The following CSMD1 variants were observed in gnomAD, a reference collection of about 807,000 sequenced individuals.
The protein encoded by CSMD1 is CUB and sushi domain-containing protein 1.
CSMD1 carries 213 observed loss-of-function variants against 417.5 expected under a neutral mutation model. The ratio of observed to expected loss-of-function variants is 0.51; its 90% confidence interval spans 0.46 to 0.57. CSMD1 has a LOEUF of 0.57. CSMD1 is among the 20% of genes least tolerant of loss of function. CSMD1 has a pLI of 0.00. For missense variants in CSMD1, 6,923 were observed against 4,529.7 expected (o/e 1.53, Z -15.17); for synonymous variants, 2,862 against 1,736.8 (o/e 1.65, Z -16.11).
At chr8:4,757,267 C>A (rs965652709) in intron 1 of CSMD1, among the ~76,000 whole-genome samples, 108 of 152,284 alleles carry the variant, frequency 7.1e-4, no homozygotes, top group African/African-American at 2.5e-3. Flanking sequence ...TAAAAGTTTG[C>A]AAAATGATAA....
chr8:4,854,210 G>C (rs531479952), intron 1 of CSMD1, among the ~76,000 whole-genome samples: 28 of 152,286 alleles, frequency 1.8e-4, no homozygotes, highest in African/African-American at 6.5e-4. Context: ...GGATGCAGGA[G>C]TGGAAAGATA....
At chr8:4,351,702 A>T (rs760726801) in intron 3 of CSMD1, among the ~76,000 whole-genome samples, 1 of 152,156 alleles carries the variant, frequency 6.6e-6, no homozygotes, top group Non-Finnish European at 1.5e-5. Flanking sequence ...CCTTAGGAGG[A>T]ATTAGCCAGA....
rs577743291 is a variant in CSMD1 at position 3,243,467 on chromosome 8, G to A, written c.4154-13236C>T. Among the ~76,000 whole-genome samples the A allele has an allele frequency of 4.3e-3, 647 of 150,862 alleles. 6 individuals carry two copies. Among genetic ancestry groups the A allele is most frequent in the Middle Eastern group, 6.8e-3 (2 of 294 alleles). ...TAGGTAAAGGAAAATTACAGTCAAAGGGGGTTGTTTTCTGGGGGGCAGGTG... is the reference window on the plus strand; with the variant it reads ...TAGGTAAAGGAAAATTACAGTCAAAAGGGGTTGTTTTCTGGGGGGCAGGTG... On this transcript the variant is annotated intron_variant, in intron 26 of 69. Coordinates refer to ENST00000635120, the MANE Select transcript of CSMD1 (RefSeq NM_033225.6).
intron 3 of CSMD1, among the ~76,000 whole-genome samples, chr8:4,249,106 A>C (rs1802890855): frequency 6.6e-6 from 1 of 152,272 alleles, no homozygotes; most frequent in African/African-American, 2.4e-5. Flanking sequence ...AGACTTCTCA[A>C]CCTTTCCCCA....
At chr8:3,667,559 G>T (rs537883748) in intron 7 of CSMD1, among the ~76,000 whole-genome samples, 3 of 152,248 alleles carry the variant, frequency 2.0e-5, no homozygotes, top group African/African-American at 7.2e-5. Context: ...GGACTAGGCT[G>T]AGAAAGTCCT....
chr8:3,505,921 A>G (rs1796804409), intron 10 of CSMD1, among the ~76,000 whole-genome samples: 1 of 152,236 alleles, frequency 6.6e-6, no homozygotes. Flanking sequence ...CTTTACAAAT[A>G]CACTAAAAAG....
chr8:3,445,585 T>G (rs1221117585), intron 12 of CSMD1, among the ~76,000 whole-genome samples: 1 of 152,146 alleles, frequency 6.6e-6, no homozygotes, highest in Non-Finnish European at 1.5e-5. Flanking sequence ...GATGAATCAG[T>G]GCATCACAGA....
intron 3 of CSMD1, among the ~76,000 whole-genome samples, chr8:4,260,271 A>T (rs1463930795): frequency 6.6e-6 from 1 of 152,128 alleles, no homozygotes; most frequent in Non-Finnish European, 1.5e-5. Context: ...TAGTGAAATT[A>T]ATGTTTGTAT....
At chr8:4,879,734 A>G (rs561292042) in intron 1 of CSMD1, among the ~76,000 whole-genome samples, 1 of 152,188 alleles carries the variant, frequency 6.6e-6, no homozygotes, top group Non-Finnish European at 1.5e-5. Context: ...AGGGATTGGG[A>G]CTTTCATAAT....
chr8:4,009,172 CTATT>C (rs1309444731), intron 4 of CSMD1, among the ~76,000 whole-genome samples: 7 of 152,282 alleles, frequency 4.6e-5, no homozygotes, highest in South Asian at 2.1e-4. Flanking sequence ...GCATTTGAAT[CTATT>C]TATTTCTGTA....
At chr8:3,808,934 G>T (rs1871816) in intron 5 of CSMD1, among the ~76,000 whole-genome samples, 11,004 of 152,162 alleles carry the variant, frequency 0.072, 729 homozygotes, top group East Asian at 0.29. Context: ...CCGTGTTAGT[G>T]CTATGTAGAG....
chr8:4,735,009 G>C (rs184832267), intron 1 of CSMD1, among the ~76,000 whole-genome samples: 35 of 152,306 alleles, frequency 2.3e-4, no homozygotes, highest in South Asian at 6.2e-4. Context: ...GAAGTGCTCG[G>C]GTTGTTTGAA....
intron 7 of CSMD1, among the ~76,000 whole-genome samples, chr8:3,678,358 G>A (rs916231084): frequency 2.0e-5 from 3 of 152,188 alleles, no homozygotes; most frequent in African/African-American, 2.4e-5. Context: ...TGATGGAGCT[G>A]AAAACCATGG....
intron 12 of CSMD1, among the ~76,000 whole-genome samples, chr8:3,431,662 C>G (rs980062531): frequency 6.6e-6 from 1 of 152,166 alleles, no homozygotes; most frequent in African/African-American, 2.4e-5. Flanking sequence ...GTTCTCCCTT[C>G]ATGTTTCCGG....
chr8:4,313,758 G>A (rs574937660), intron 3 of CSMD1, among the ~76,000 whole-genome samples: 2 of 152,080 alleles, frequency 1.3e-5, no homozygotes, highest in Admixed American at 6.6e-5. Flanking sequence ...GCTCACACCT[G>A]TAATTCCAGC....
intron 6 of CSMD1, among the ~76,000 whole-genome samples, chr8:3,720,459 G>A (rs1802088665): frequency 6.6e-6 from 1 of 152,132 alleles, no homozygotes; most frequent in Non-Finnish European, 1.5e-5. Context: ...GAATACATGT[G>A]TCCTTTCAGA....
At chr8:3,614,359 C>G (rs1006194159) in intron 8 of CSMD1, among the ~76,000 whole-genome samples, 1 of 151,862 alleles carries the variant, frequency 6.6e-6, no homozygotes, top group African/African-American at 2.4e-5. Context: ...GCCCCCCGAG[C>G]CAGATCAACA....
intron 3 of CSMD1, among the ~76,000 whole-genome samples, chr8:4,187,527 C>T (rs1039165416): frequency 1.3e-5 from 2 of 151,850 alleles, no homozygotes; most frequent in African/African-American, 4.8e-5. Flanking sequence ...GCCTGTAATC[C>T]CAGCTACTTG....
At chr8:3,912,083 C>T (rs1302549796) in intron 5 of CSMD1, among the ~76,000 whole-genome samples, 1 of 152,132 alleles carries the variant, frequency 6.6e-6, no homozygotes, top group Non-Finnish European at 1.5e-5. Flanking sequence ...TTTTCAAACC[C>T]TAAATCAATA....
Sources: allele counts gnomAD v4.1 joint callset (sites outside exome capture counted in the v4.1 genomes callset), GRCh38; gene constraint gnomAD v4.1.1; transcripts MANE v1.5; gene names NCBI Gene and HGNC (gene_info 2026-07-23, HGNC 2026-07-21).